MUC17: variants seen among roughly 807,000 people sequenced by gnomAD.
MUC17 encodes the protein mucin-17.
MUC17 carries 190 observed loss-of-function variants against 170.3 expected under a neutral mutation model. The ratio of observed to expected loss-of-function variants is 1.12; its 90% confidence interval spans 0.99 to 1.26. The LOEUF (loss-of-function observed/expected upper bound fraction) is 1.26, where lower values mean the gene tolerates loss of function less well. MUC17 is among the 50% of genes most tolerant of loss of function. MUC17 has a pLI of 0.00. For synonymous variants in MUC17, 2,325 were observed against 2,002.5 expected (o/e 1.16, Z -4.30); for missense variants, 6,415 against 5,530.0 (o/e 1.16, Z -5.08).
At chr7:101,046,066 C>T (rs754516712) in intron 3 of MUC17, among the ~76,000 whole-genome samples, 3 of 152,156 alleles carry the variant, frequency 2.0e-5, no homozygotes, top group African/African-American at 7.2e-5. Context: ...GTAGTGAAAG[C>T]GGGAGAGAGA....
chr7:101,057,259 A>G (rs1216075572), intron 12 of MUC17, among the ~76,000 whole-genome samples: 3 of 152,198 alleles, frequency 2.0e-5, no homozygotes, highest in Non-Finnish European at 2.9e-5. Context: ...CTTTAATATG[A>G]TTTAAACTAG....
chr7:101,035,036 C>G lies in MUC17; in HGVS notation c.3620C>G (p.Thr1207Ser). Reference sequence around the variant, plus strand: ...TCACCTCCTCCAACTGCTGAAGTTACCAGCATGCCAACCTCAACTCCTGGA... The same window carrying G: ...TCACCTCCTCCAACTGCTGAAGTTAGCAGCATGCCAACCTCAACTCCTGGA... ...ASSPPPTAEVTSMPTSTPGER... is the reference protein window; with the variant it reads ...ASSPPPTAEVSSMPTSTPGER... The change falls in exon 3 of 13, where the codon ACC becomes AGC. Residue 1207 changes from threonine to serine, a missense_variant. Transcript: ENST00000306151. The G allele has an allele frequency of 6.2e-7, 1 of 1,614,188 alleles. No homozygotes were observed. Among genetic ancestry groups the G allele is most frequent in the Non-Finnish European group, 8.5e-7 (1 of 1,180,020 alleles).
At position 101,037,314 on chromosome 7, in the gene MUC17, T is replaced by G. The variant is rs953759082; in HGVS notation, c.5898T>G (p.Ser1966=). The change falls in exon 3 of 13, where the codon TCT becomes TCG. Residue 1966 remains serine, a synonymous_variant. Coordinates refer to ENST00000306151, the MANE Select transcript of MUC17 (RefSeq NM_001040105.2). ...PVTTYSQASS[S]PTTADGTSMP... is the part of the protein sequence containing the mutation. ...CCACTTATTCTCAAGCCAGTTCATC[T>G]CCTACAACTGCTGATGGTACCAGCA... 6.2e-7 allele frequency: 1 copy of G among 1,613,934 alleles called. No individual in the cohort carries two copies. Among genetic ancestry groups the G allele is most frequent in the Non-Finnish European group, 8.5e-7 (1 of 1,179,956 alleles).
intron 12 of MUC17, among the ~76,000 whole-genome samples, chr7:101,057,631 G>A (rs953364673): frequency 6.6e-6 from 1 of 152,186 alleles, no homozygotes; most frequent in Non-Finnish European, 1.5e-5. Flanking sequence ...TGTAATCCCG[G>A]CACTTGGGGA....
In MUC17 at chr7:101,038,792, C is replaced by A. The variant is rs369232640; in HGVS notation, c.7376C>A (p.Ala2459Glu). The change falls in exon 3 of 13, where the codon GCA (alanine) becomes GAA (glutamate). Residue 2459 changes from alanine to glutamate, a missense_variant. By Grantham distance (107) the Ala-to-Glu change is moderately radical. Transcript: ENST00000306151. ...CCTAGTGAAGGAACCACTCCGTTAG[C>A]AAGTATGCCTGTCAGCACCACGCCG... ...SPPSEGTTPLASMPVSTTPVV... is the reference protein window; with the variant it reads ...SPPSEGTTPLESMPVSTTPVV... The A allele has an allele frequency of 1.2e-6, 2 of 1,612,850 alleles. No homozygotes were observed. The highest frequency in any genetic ancestry group is 2.2e-5 in the South Asian group (2 of 91,020).
At chr7:101,049,089 C>A in intron 5 of MUC17, 117 bp downstream of exon 5, 1 of 1,495,654 alleles carries the variant, frequency 6.7e-7, no homozygotes, top group Non-Finnish European at 9.1e-7. Flanking sequence ...TTCTCTCAGG[C>A]CCCCACGTCC....
At chr7:101,046,382 G>T (rs1296513832) in intron 3 of MUC17, among the ~76,000 whole-genome samples, 1 of 152,208 alleles carries the variant, frequency 6.6e-6, no homozygotes, top group Non-Finnish European at 1.5e-5. Context: ...CAGAGCTTTA[G>T]ATTTTCCAGG....
intron 1 of MUC17, among the ~76,000 whole-genome samples, chr7:101,020,754 T>G (rs1314302379): frequency 6.6e-6 from 1 of 152,120 alleles, no homozygotes; most frequent in Non-Finnish European, 1.5e-5. Flanking sequence ...CTGTGCACCC[T>G]GGGGCCGCTC....
At position 101,038,025 on chromosome 7, in the gene MUC17, A is replaced by G. The variant is rs1794546765; in HGVS notation, c.6609A>G (p.Thr2203=). The G allele has an allele frequency of 1.9e-6, 3 of 1,607,908 alleles. No individual in the cohort carries two copies. The South Asian group carries it at 3.3e-5, about 18-fold the overall frequency. ...CTACTGAAGCCCGTTCATCTCCTAC[A>G]ACTTCTGAAGGTACCAGCATGCCAA... ...TNSTEARSSP[T]TSEGTSMPTS... is the part of the protein sequence containing the mutation. Residue 2203 remains threonine, a synonymous_variant, in exon 3 of 13, where the codon ACA becomes ACG. Coordinates refer to ENST00000306151, the MANE Select transcript of MUC17 (RefSeq NM_001040105.2).
In MUC17 at chr7:101,051,860, A is replaced by G; in HGVS notation, c.13001A>G (p.Asp4334Gly). The change falls in exon 9 of 13, where the codon GAC becomes GGC. Residue 4334 changes from aspartate to glycine, a missense_variant. Coordinates refer to ENST00000306151, the MANE Select transcript of MUC17 (RefSeq NM_001040105.2). ...GACTACTTCGTAGTGGAGTACCGGG[A>G]CCAGAAGCCATACTGCATCAGCCCC... ...YGDYFVVEYR[D>G]QKPYCISPCE... 6.2e-7 allele frequency: 1 copy of G among 1,614,176 alleles called. No homozygotes were observed. Among genetic ancestry groups the G allele is most frequent in the Non-Finnish European group, 8.5e-7 (1 of 1,180,024 alleles).
At chr7:101,026,907 G>A (rs1263728947) in intron 1 of MUC17, among the ~76,000 whole-genome samples, 1 of 151,888 alleles carries the variant, frequency 6.6e-6, no homozygotes, top group Non-Finnish European at 1.5e-5. Flanking sequence ...GTACAGACGA[G>A]GTCTTGCTAT....
rs558016361 is a variant in MUC17, at chr7:101,041,693, C to T, written c.10277C>T (p.Ser3426Phe). 9.3e-6 allele frequency: 15 copies of T among 1,613,812 alleles called. No homozygotes were observed. The highest frequency in any genetic ancestry group is 1.3e-5 in the Non-Finnish European group (15 of 1,180,004). The change falls in exon 3 of 13, where the codon TCC (serine) becomes TTC (phenylalanine). Residue 3426 changes from serine (S) to phenylalanine (F), a missense_variant. By Grantham distance (155) the Ser-to-Phe change is radical. Transcript: ENST00000306151. Reference protein sequence around the residue: ...VNTLSTTPVDSNTLVTTSTEA... With the variant: ...VNTLSTTPVDFNTLVTTSTEA... ...ACCCTTTCAACAACTCCTGTGGACT[C>T]CAACACTCTGGTGACCACTTCTACT...
At position 101,033,087 on chromosome 7, in the gene MUC17, T is replaced by G; in HGVS notation, c.1671T>G (p.Gly557=). The change falls in exon 3 of 13, where the codon GGT becomes GGG. Residue 557 remains glycine (G), a synonymous_variant. Coordinates refer to ENST00000306151, the MANE Select transcript of MUC17 (RefSeq NM_001040105.2). ...GTTCATCTTCTACAACTCCTGAAGG[T>G]ACCAGCATACCAACCTCAACTCCTA... is the stretch of plus-strand genomic sequence containing the variant. ...EASSSSTTPE[G]TSIPTSTPSE... is the part of the protein sequence containing the mutation. 1 of 1,612,988 alleles carries G rather than the reference T, an allele frequency of 6.2e-7. No homozygotes were observed. The highest frequency in any genetic ancestry group is 8.5e-7 in the Non-Finnish European group (1 of 1,179,710).
Position 101,050,623 on chromosome 7 carries a change from G to A in MUC17, c.12862G>A (p.Asp4288Asn). 1.2e-6 allele frequency: 2 copies of A among 1,613,816 alleles called. No individual in the cohort carries two copies. Among genetic ancestry groups the A allele is most frequent in the Non-Finnish European group, 1.7e-6 (2 of 1,179,826 alleles). Residue 4288 changes from aspartate (D) to asparagine (N), a missense_variant, in exon 7 of 13, where the codon GAT (aspartate) becomes AAT (asparagine). Transcript: ENST00000306151. ...KVTTQQIMIN[D>N]ICSDMMCFNT... ...GACCACACAGCAAATAATGATTAAT[G>A]ATATTTGCTCAGGTGAACTCTGGGC...
At position 101,036,741 on chromosome 7, in the gene MUC17, C is replaced by T. The variant is rs763471565; in HGVS notation, c.5325C>T (p.Asp1775=). The change falls in exon 3 of 13, where the codon GAC becomes GAT. Residue 1775 remains aspartate (D), a synonymous_variant. Transcript: ENST00000306151. The stretch of plus-strand genomic sequence containing the variant: ...GCACCCTTTCAGCAACTCCTATTGA[C>T]ACCAGCACCCCTGTGACCACTTCTA... ...EASTLSATPI[D]TSTPVTTSTE... is the part of the protein sequence containing the mutation. The T allele has an allele frequency of 1.9e-6, 3 of 1,612,906 alleles. No homozygotes were observed. The highest frequency in any genetic ancestry group is 2.2e-5 in the East Asian group (1 of 44,730).
In MUC17 at chr7:101,034,341, C is replaced by A; in HGVS notation, c.2925C>A (p.Thr975=). ...PTTAEGTSIP[T]STPSEGTTPL... Reference sequence around the variant, plus strand: ...CTGCTGAAGGTACCAGCATACCAACCTCGACTCCTAGTGAAGGAACGACTC... The same window carrying A: ...CTGCTGAAGGTACCAGCATACCAACATCGACTCCTAGTGAAGGAACGACTC... Residue 975 remains threonine (T), a synonymous_variant, in exon 3 of 13, where the codon ACC becomes ACA. Coordinates refer to ENST00000306151, the MANE Select transcript of MUC17 (RefSeq NM_001040105.2). 2.5e-6 allele frequency: 4 copies of A among 1,608,768 alleles called. No individual in the cohort carries two copies. The highest frequency in any genetic ancestry group is 3.4e-6 in the Non-Finnish European group (4 of 1,177,680).
rs200439452 is a variant in MUC17 at position 101,043,006 on chromosome 7, A to G, written c.11590A>G (p.Ile3864Val). Residue 3864 changes from isoleucine (I) to valine (V), a missense_variant, in exon 3 of 13, where the codon ATA becomes GTA. By Grantham distance (29) the Ile-to-Val change is conservative. Coordinates refer to ENST00000306151, the MANE Select transcript of MUC17 (RefSeq NM_001040105.2). The stretch of plus-strand genomic sequence containing the variant: ...CTCCATACCTGCTGAAGTCACTACC[A>G]TACGTATTTCAATTACCAGTGAAAG... The part of the protein sequence containing the change: ...SFSIPAEVTT[I>V]RISITSERST... The G allele has an allele frequency of 4.6e-5, 74 of 1,614,112 alleles. No homozygotes were observed. The highest frequency in any genetic ancestry group is 3.3e-4 in the Middle Eastern group (2 of 6,062).
At position 101,035,336 on chromosome 7, in the gene MUC17, G is replaced by T. The variant is rs139014940; in HGVS notation, c.3920G>T (p.Gly1307Val). 99 of 1,606,878 alleles carry T rather than the reference G, an allele frequency of 6.2e-5. No individual in the cohort carries two copies. The highest frequency in any genetic ancestry group is 1.4e-4 in the African/African-American group (10 of 73,572). ...TTAACAACTCCTGTTGACACTAAAG[G>T]TCCTGTGGTCACTTCTAATGAAGTC... ...TLLTTPVDTK[G>V]PVVTSNEVSS... is the part of the protein sequence containing the mutation. Residue 1307 changes from glycine (G) to valine (V), a missense_variant, in exon 3 of 13, where the codon GGT (glycine) becomes GTT (valine). Gly to Val is a moderately radical substitution (Grantham distance 109, BLOSUM62 -3). Coordinates refer to ENST00000306151, the MANE Select transcript of MUC17 (RefSeq NM_001040105.2).
chr7:101,058,159 G>A lies in MUC17; in HGVS notation c.*115G>A. ...CTCAATGTTCCCATTGTAAGTACAG[G>A]AAACAAGCCCTGTACTTACCAAGGA... is the stretch of plus-strand genomic sequence containing the variant. On this transcript the variant is annotated 3_prime_UTR_variant, in exon 13 of 13. Transcript: ENST00000306151. 1 of 963,806 alleles carries A rather than the reference G, an allele frequency of 1.0e-6. No individual in the cohort carries two copies. The highest frequency in any genetic ancestry group is 1.9e-5 in the Admixed American group (1 of 53,382). The allele number at this position is 963,806 out of a possible 1,614,324, so 59.7% of individuals were successfully genotyped here. A position where few individuals can be genotyped will look rare whatever the true frequency, so the allele number is the denominator to read the frequency against.
Sources: gnomAD v4.1 joint callset for allele counts (sites outside exome capture counted in the v4.1 genomes callset) on GRCh38, gnomAD v4.1.1 for gene constraint, MANE v1.5 for transcripts, NCBI Gene and HGNC (gene_info 2026-07-23, HGNC 2026-07-21) for gene names.